Variants in TEAD1 observed in about 807,000 individuals in gnomAD.
TEAD1 encodes transcriptional enhancer factor TEF-1.
TEAD1 carries 9 observed loss-of-function variants against 54.9 expected under a neutral mutation model. The ratio of observed to expected loss-of-function variants is 0.16; its 90% CI spans 0.10 to 0.29. The LOEUF (loss-of-function observed/expected upper bound fraction) is 0.29. Ranked by LOEUF, TEAD1 falls within the 10% of genes least tolerant of loss-of-function variation. TEAD1 has a pLI of 1.00. For synonymous variants in TEAD1, 200 were observed against 187.8 expected (o/e 1.07, Z -0.53); for missense variants, 387 against 535.9 (o/e 0.72, Z 2.74).
intron 3 of TEAD1, among the ~76,000 whole-genome samples, chr11:12,815,197 C>A (rs1482571865): frequency 6.6e-6 from 1 of 152,092 alleles, no homozygotes; most frequent in Admixed American, 6.6e-5. Flanking sequence ...GTGTTTATCT[C>A]CCGCAGTGGG....
chr11:12,683,139 T>G (rs1372866470), intron 2 of TEAD1, among the ~76,000 whole-genome samples: 17 of 152,240 alleles, frequency 1.1e-4, no homozygotes, highest in Admixed American at 1.1e-3. Flanking sequence ...TTAGCTTGTA[T>G]TTTCCTTTTT....
At chr11:12,777,275 A>G (rs899813696) in intron 3 of TEAD1, among the ~76,000 whole-genome samples, 4 of 152,054 alleles carry the variant, frequency 2.6e-5, no homozygotes, top group Non-Finnish European at 5.9e-5. Context: ...TGTCACCCCA[A>G]AGTTTTACAG....
chr11:12,710,978 G>A (rs766991765), intron 2 of TEAD1, among the ~76,000 whole-genome samples: 3 of 152,172 alleles, frequency 2.0e-5, no homozygotes, highest in South Asian at 4.2e-4. Flanking sequence ...GGAGGCCCCC[G>A]CCATTTTGGG....
At chr11:12,926,348 G>A (rs527614449) in intron 11 of TEAD1, among the ~76,000 whole-genome samples, 9 of 152,276 alleles carry the variant, frequency 5.9e-5, no homozygotes, top group Admixed American at 2.0e-4. Context: ...AGGATCCAGG[G>A]GAGTTGACTC....
At chr11:12,765,463 A>T (rs1202863204) in intron 3 of TEAD1, among the ~76,000 whole-genome samples, 1 of 152,186 alleles carries the variant, frequency 6.6e-6, no homozygotes, top group African/African-American at 2.4e-5. Context: ...TTAACTTCTC[A>T]TGGGAGTGAT....
intron 4 of TEAD1, among the ~76,000 whole-genome samples, 160 bp downstream of exon 4, chr11:12,862,474 T>C (rs1439628666): frequency 6.6e-6 from 1 of 152,236 alleles, no homozygotes; most frequent in Non-Finnish European, 1.5e-5. Context: ...CAGTTTTCAC[T>C]GTTCATCATT....
intron 2 of TEAD1, among the ~76,000 whole-genome samples, chr11:12,762,187 T>A (rs1397324942): frequency 6.6e-6 from 1 of 152,186 alleles, no homozygotes; most frequent in African/African-American, 2.4e-5. Flanking sequence ...TGTGGTTTTG[T>A]GCATGTGTGT....
At chr11:12,756,771 A>C (rs994726623) in intron 2 of TEAD1, among the ~76,000 whole-genome samples, 1 of 152,164 alleles carries the variant, frequency 6.6e-6, no homozygotes, top group Non-Finnish European at 1.5e-5. Context: ...GACTTTGGAC[A>C]ACTTATTTAG....
intron 3 of TEAD1, among the ~76,000 whole-genome samples, chr11:12,804,173 A>G (rs1946120978): frequency 6.6e-6 from 1 of 152,246 alleles, no homozygotes; most frequent in Non-Finnish European, 1.5e-5. Context: ...TGATATTTCC[A>G]TTCTTCAGAC....
chr11:12,772,748 C>A (rs1422570325), intron 3 of TEAD1, among the ~76,000 whole-genome samples: 2 of 152,116 alleles, frequency 1.3e-5, no homozygotes, highest in Admixed American at 6.5e-5. Context: ...TGTAATATTG[C>A]AACAAGCGGG....
chr11:12,878,883 A>G (rs983224414), intron 5 of TEAD1: 1 of 1,285,460 alleles, frequency 7.8e-7, no homozygotes, highest in Non-Finnish European at 1.0e-6. Context: ...TTATTATTGT[A>G]TCCAGGTAAC....
At chr11:12,791,419 A>G (rs953975631) in intron 3 of TEAD1, among the ~76,000 whole-genome samples, 5 of 152,212 alleles carry the variant, frequency 3.3e-5, no homozygotes, top group African/African-American at 1.2e-4. Context: ...TTGAAGATTA[A>G]TTCCTGATCT....
At chr11:12,752,628 C>T (rs1217735274) in intron 2 of TEAD1, among the ~76,000 whole-genome samples, 1 of 152,032 alleles carries the variant, frequency 6.6e-6, no homozygotes, top group Non-Finnish European at 1.5e-5. Context: ...ATTGCTGTCC[C>T]ATAGAACTTT....
intron 3 of TEAD1, among the ~76,000 whole-genome samples, chr11:12,786,893 A>G (rs1459029784): frequency 2.6e-5 from 4 of 152,216 alleles, no homozygotes; most frequent in Non-Finnish European, 5.9e-5. Flanking sequence ...CCAGACAGAC[A>G]TTTGCAGAAG....
chr11:12,934,417 C>T (rs1454281883), intron 12 of TEAD1, among the ~76,000 whole-genome samples: 1 of 152,054 alleles, frequency 6.6e-6, no homozygotes, highest in African/African-American at 2.4e-5. Flanking sequence ...GAAGGGATAG[C>T]ATTAGGAGAT....
At chr11:12,843,854 A>G (rs1947088963) in intron 3 of TEAD1, among the ~76,000 whole-genome samples, 1 of 152,282 alleles carries the variant, frequency 6.6e-6, no homozygotes, top group South Asian at 2.1e-4. Flanking sequence ...CTTTTTTGTT[A>G]TTAAAACTGG....
chr11:12,817,384 A>G (rs1262904806), intron 3 of TEAD1, among the ~76,000 whole-genome samples: 1 of 152,224 alleles, frequency 6.6e-6, no homozygotes, highest in Non-Finnish European at 1.5e-5. Flanking sequence ...TTATGGAGAG[A>G]GACTGGCATG....
intron 10 of TEAD1, among the ~76,000 whole-genome samples, chr11:12,910,013 A>G (rs774607947): frequency 5.3e-5 from 8 of 152,148 alleles, no homozygotes; most frequent in Admixed American, 6.5e-5. Context: ...AGGGATGTCC[A>G]CCCACAAATG....
intron 9 of TEAD1, among the ~76,000 whole-genome samples, chr11:12,884,161 GT>G (rs1321493739): frequency 6.6e-6 from 1 of 151,602 alleles, no homozygotes; most frequent in Non-Finnish European, 1.5e-5. Flanking sequence ...TCGTCCCATT[GT>G]TTCTCAGCCA....
Sources: gnomAD v4.1 joint callset for allele counts (sites outside exome capture counted in the v4.1 genomes callset) on GRCh38, gnomAD v4.1.1 for gene constraint, MANE v1.5 for transcripts, NCBI Gene and HGNC (gene_info 2026-07-23, HGNC 2026-07-21) for gene names.